The following ESR1 variants were observed in gnomAD, a reference collection of about 807,000 sequenced individuals.
The protein encoded by ESR1 is estrogen receptor 1, also known as estrogen receptor.
Under a neutral mutation model 52.7 loss-of-function variants are expected in ESR1, and 12 were observed. The ratio of observed to expected loss-of-function variants is 0.23; its 90% CI spans 0.15 to 0.37. The LOEUF is 0.37. Among genes scored for constraint, ESR1 ranks in the 10% least tolerant of loss-of-function variants. ESR1 has a pLI of 1.00. For synonymous variants in ESR1, 305 were observed against 316.8 expected (o/e 0.96, Z 0.39); for missense variants, 584 against 779.7 (o/e 0.75, Z 2.99).
chr6:151,823,300 A>C (rs1780898156), intron 1 of ESR1, among the ~76,000 whole-genome samples: 1 of 152,138 alleles, frequency 6.6e-6, no homozygotes, highest in African/African-American at 2.4e-5. Context: ...GCTGATGTAG[A>C]ATTTGCATCC....
At chr6:151,974,603 A>C (rs2039252358) in intron 4 of ESR1, among the ~76,000 whole-genome samples, 1 of 152,232 alleles carries the variant, frequency 6.6e-6, no homozygotes, top group Middle Eastern at 3.2e-3. Flanking sequence ...TGAAAGAGGA[A>C]TAATACTAGG....
At chr6:151,730,421 T>C (rs1250728010) in intron 2 of ESR1, among the ~76,000 whole-genome samples, 1 of 152,094 alleles carries the variant, frequency 6.6e-6, no homozygotes, top group Non-Finnish European at 1.5e-5. Context: ...GGCCTCCCAT[T>C]TTCCAGAGCT....
chr6:151,714,409 T>G (rs1780861426), intron 2 of ESR1, among the ~76,000 whole-genome samples: 1 of 152,188 alleles, frequency 6.6e-6, no homozygotes, highest in African/African-American at 2.4e-5. Flanking sequence ...TTCTGTCTCA[T>G]TGATCTGTTT....
chr6:151,691,030 T>G (rs1778900155), intron 1 of ESR1, among the ~76,000 whole-genome samples: 1 of 152,196 alleles, frequency 6.6e-6, no homozygotes, highest in South Asian at 2.1e-4. Flanking sequence ...TGTTAGAATT[T>G]TATAAGCTCT....
intron 2 of ESR1, among the ~76,000 whole-genome samples, chr6:151,785,548 G>C (rs1285552387): frequency 6.6e-6 from 1 of 152,096 alleles, no homozygotes; most frequent in Non-Finnish European, 1.5e-5. Context: ...AGCTTTTCTG[G>C]GAAGGTAAAA....
intron 6 of ESR1, among the ~76,000 whole-genome samples, chr6:152,080,660 C>A (rs954094947): frequency 2.0e-5 from 3 of 152,108 alleles, no homozygotes; most frequent in Admixed American, 2.0e-4. Flanking sequence ...ACAATATTAA[C>A]CTTAAATGTA....
chr6:151,707,010 G>A (rs1327844828), intron 2 of ESR1, among the ~76,000 whole-genome samples: 1 of 152,088 alleles, frequency 6.6e-6, no homozygotes, highest in Non-Finnish European at 1.5e-5. Flanking sequence ...TTTATCCAAG[G>A]GATGTAAGCC....
At chr6:151,814,377 T>G (rs1435246372) in intron 1 of ESR1, among the ~76,000 whole-genome samples, 1 of 152,204 alleles carries the variant, frequency 6.6e-6, no homozygotes, top group African/African-American at 2.4e-5. Context: ...TAAACTCCCT[T>G]TAAAGAGTTT....
At chr6:152,084,524 C>A (rs1026925483) in intron 6 of ESR1, among the ~76,000 whole-genome samples, 1 of 152,046 alleles carries the variant, frequency 6.6e-6, no homozygotes, top group Admixed American at 6.5e-5. Context: ...CCAGTTAAAC[C>A]TCTTTTTCTT....
rs116452860 is a variant in ESR1 at position 151,796,274 on chromosome 6, A to G, written c.-70-11569A>G. Among the ~76,000 whole-genome samples, 1,429 of 152,306 alleles carry G rather than the reference A, an allele frequency of 9.4e-3. 23 individuals carry two copies. Among genetic ancestry groups the G allele is most frequent in the African/African-American group, 0.033 (1,363 of 41,578 alleles). ...TGCTAATAAAAACAAAAAAAAACAC[A>G]TGGCACAAATAAGGTGCATGTTACT... On this transcript the variant is annotated intron_variant, in intron 2 of 2. Transcript: ENST00000404742.
At chr6:151,671,882 C>T (rs575664768) in intron 1 of ESR1, among the ~76,000 whole-genome samples, 77 of 152,250 alleles carry the variant, frequency 5.1e-4, no homozygotes, top group African/African-American at 1.8e-3. Flanking sequence ...ATCCCAGCTA[C>T]ATGGGAGGCT....
chr6:151,850,789 C>T (rs1181890616), intron 2 of ESR1, among the ~76,000 whole-genome samples: 1 of 152,156 alleles, frequency 6.6e-6, no homozygotes, highest in Admixed American at 6.5e-5. Context: ...GTTTCCAGAG[C>T]TGTTGCATAG....
intron 3 of ESR1, among the ~76,000 whole-genome samples, chr6:151,898,941 G>A (rs1023875680): frequency 8.6e-5 from 13 of 152,020 alleles, no homozygotes; most frequent in African/African-American, 2.4e-4. Context: ...GGTGGTGGCC[G>A]GGCAGAGCGG....
chr6:151,834,830 G>T (rs886527917), intron 1 of ESR1, among the ~76,000 whole-genome samples: 8 of 152,068 alleles, frequency 5.3e-5, no homozygotes, highest in Admixed American at 6.6e-5. Flanking sequence ...TTGTGGAAGA[G>T]CTGTGGCAGC....
chr6:151,806,557 T>TATATATATATATATATATAC (rs1554259008), upstream of ESR1, among the ~76,000 whole-genome samples: 1,011 of 133,436 alleles, frequency 7.6e-3, 30 homozygotes, highest in Non-Finnish European at 0.011. Context: ...TATATATATA[T>TATATATATATATATATATAC]ACACATATAT....
chr6:151,699,044 A>G (rs1202763410), intron 1 of ESR1, among the ~76,000 whole-genome samples: 2 of 152,240 alleles, frequency 1.3e-5, no homozygotes, highest in Non-Finnish European at 2.9e-5. Flanking sequence ...TTCGTGTTGC[A>G]TAAGCAGTAT....
intron 1 of ESR1, among the ~76,000 whole-genome samples, chr6:151,692,082 A>T (rs574268877): frequency 1.3e-5 from 2 of 152,326 alleles, no homozygotes; most frequent in South Asian, 4.1e-4. Context: ...GGACATTTGG[A>T]GATACGTGTT....
Position 151,727,010 on chromosome 6 carries a change from C to G in ESR1, c.-71+25005C>G, listed in dbSNP as rs576372441. On this transcript the variant is annotated intron_variant, in intron 2 of 2. Transcript: ENST00000404742. ...TACAGATTTCTGTAGAACCATTTATCAGATTCAGGTAGTTAATCCTAACTT... is the reference window on the plus strand; with the variant it reads ...TACAGATTTCTGTAGAACCATTTATGAGATTCAGGTAGTTAATCCTAACTT... Among the ~76,000 whole-genome samples, 3 of 152,096 alleles carry G rather than the reference C, an allele frequency of 2.0e-5. 1 individual carries two copies. The South Asian group carries it at 6.2e-4, about 32-fold the overall frequency.
intron 6 of ESR1, among the ~76,000 whole-genome samples, chr6:152,075,815 G>A (rs9478279): frequency 0.2 from 31,015 of 151,814 alleles, 4,316 homozygotes; most frequent in African/African-American, 0.38. Flanking sequence ...CAGATCGTAT[G>A]TCATTTTTTT....
Sources: gnomAD v4.1 joint callset for allele counts (sites outside exome capture counted in the v4.1 genomes callset) on GRCh38, gnomAD v4.1.1 for gene constraint, MANE v1.5 for transcripts, NCBI Gene and HGNC (gene_info 2026-07-23, HGNC 2026-07-21) for gene names.